The following EIF4G3 variants were observed in gnomAD, a reference collection of about 807,000 sequenced individuals.
EIF4G3 encodes eIF-4-gamma 3.
EIF4G3 carries 34 observed loss-of-function variants against 186.4 expected under a neutral mutation model. The ratio of observed to expected loss-of-function variants is 0.18; its 90% CI spans 0.14 to 0.24. The LOEUF (loss-of-function observed/expected upper bound fraction) is 0.24, where lower values mean the gene tolerates loss of function less well. EIF4G3 is among the 10% of genes least tolerant of loss of function. The probability of loss-of-function intolerance (pLI) is 1.00; values close to 1 mark genes in which losing one functional copy is unlikely to be tolerated. For synonymous variants in EIF4G3, 673 were observed against 679.5 expected (o/e 0.99, Z 0.15); for missense variants, 1,536 against 1,948.5 (o/e 0.79, Z 3.99).
intron 14 of EIF4G3, among the ~76,000 whole-genome samples, chr1:20,917,627 T>C (rs2094028923): frequency 6.6e-6 from 1 of 152,190 alleles, no homozygotes; most frequent in Admixed American, 6.5e-5. Context: ...ATGAGGGTAG[T>C]AGTGCAGGAG....
chr1:21,037,144 G>C (rs917015603), intron 4 of EIF4G3, among the ~76,000 whole-genome samples: 1 of 151,912 alleles, frequency 6.6e-6, no homozygotes, highest in Non-Finnish European at 1.5e-5. Flanking sequence ...GTCTCTAAGG[G>C]TGGCTTAGAG....
rs113776720 is a variant in EIF4G3 at position 20,854,478 on chromosome 1, C to T, written c.3433+500G>A. On this transcript the variant is annotated intron_variant, in intron 26 of 36. Coordinates refer to ENST00000602326, the MANE Select transcript of EIF4G3 (RefSeq NM_001391906.1). The stretch of plus-strand genomic sequence containing the variant: ...GGAGGCCAAGGTGGGAGGATCACTG[C>T]AGCCCACGAGTGCAAGACTAGCCTA... Among the ~76,000 whole-genome samples the T allele has an allele frequency of 6.1e-3, 919 of 150,604 alleles. 7 individuals are homozygous for T. Among genetic ancestry groups the T allele is most frequent in the African/African-American group, 0.022 (884 of 40,936 alleles).
chr1:20,876,148 A>T (rs1459311017), intron 20 of EIF4G3, among the ~76,000 whole-genome samples: 1 of 146,098 alleles, frequency 6.8e-6, no homozygotes, highest in Non-Finnish European at 1.5e-5. Context: ...GCTTGGACCC[A>T]GGAGTTTGAA....
At chr1:20,982,052 C>T (rs945346727) in intron 8 of EIF4G3, among the ~76,000 whole-genome samples, 7 of 152,054 alleles carry the variant, frequency 4.6e-5, no homozygotes, top group African/African-American at 1.7e-4. Context: ...TAAATTAAAC[C>T]ATCTGTAGGG....
chr1:20,904,922 C>T lies in EIF4G3; in HGVS notation c.1713G>A (p.Arg571=). 2 of 1,613,884 alleles carry T rather than the reference C, an allele frequency of 1.2e-6. No homozygotes were observed. Among genetic ancestry groups the T allele is most frequent in the East Asian group, 2.2e-5 (1 of 44,858 alleles). ...CTAACATCTCTTCAGTGGTTCGGGTCCGATCTTTTGGTTTCTTCCATGTCT... is the reference window on the plus strand; with the variant it reads ...CTAACATCTCTTCAGTGGTTCGGGTTCGATCTTTTGGTTTCTTCCATGTCT... ...VPKTWKKPKD[R]TRTTEEMLEA... Residue 571 remains arginine (R), a synonymous_variant, in exon 15 of 37, where the codon CGG becomes CGA. Coordinates refer to ENST00000602326, the MANE Select transcript of EIF4G3 (RefSeq NM_001391906.1).
chr1:20,960,022 C>T (rs1299617279), intron 12 of EIF4G3, among the ~76,000 whole-genome samples: 1 of 151,776 alleles, frequency 6.6e-6, no homozygotes, highest in Non-Finnish European at 1.5e-5. Context: ...CCATTTGATC[C>T]AGCAACCCCA....
intron 4 of EIF4G3, among the ~76,000 whole-genome samples, chr1:21,015,750 AG>A (rs1557521357): frequency 9.3e-5 from 8 of 85,600 alleles, no homozygotes; most frequent in South Asian, 6.1e-4. Flanking sequence ...ACATGCTGAA[AG>A]GAAAGAAAAA....
chr1:21,127,279 C>T (rs2097064065), intron 2 of EIF4G3, among the ~76,000 whole-genome samples: 1 of 152,128 alleles, frequency 6.6e-6, no homozygotes, highest in Non-Finnish European at 1.5e-5. Context: ...GCCTGGCCTC[C>T]TTTAAATTTT....
chr1:21,156,210 A>C (rs113842812), intron 2 of EIF4G3, among the ~76,000 whole-genome samples: 161 of 152,172 alleles, frequency 1.1e-3, no homozygotes, highest in African/African-American at 3.8e-3. Flanking sequence ...ACTTCCTCCA[A>C]TTACATAAAC....
At chr1:20,856,631 A>G (rs2074985566) in intron 25 of EIF4G3, among the ~76,000 whole-genome samples, 1 of 152,206 alleles carries the variant, frequency 6.6e-6, no homozygotes, top group Admixed American at 6.5e-5. Flanking sequence ...TTAAATCCTT[A>G]TTACAGAATG....
intron 14 of EIF4G3, among the ~76,000 whole-genome samples, chr1:20,907,212 G>A (rs950486095): frequency 6.6e-6 from 1 of 152,060 alleles, no homozygotes; most frequent in Non-Finnish European, 1.5e-5. Flanking sequence ...TCCTTGTCTT[G>A]TATTAAAGCA....
chr1:20,852,620 G>A (rs1290977274), intron 27 of EIF4G3, among the ~76,000 whole-genome samples: 1 of 152,154 alleles, frequency 6.6e-6, no homozygotes, highest in Non-Finnish European at 1.5e-5. Context: ...TTGGCCCGTG[G>A]CAGACCAGAA....
At chr1:20,900,075 G>T in intron 15 of EIF4G3, 132 bp from the exon 16 acceptor site, 1 of 952,486 alleles carries the variant, frequency 1.0e-6, no homozygotes, top group South Asian at 1.7e-5. Context: ...TGTTCAGCAT[G>T]TGGTATTAGA....
intron 30 of EIF4G3, among the ~76,000 whole-genome samples, chr1:20,831,345 G>A (rs1012591039): frequency 1.3e-5 from 2 of 150,200 alleles, no homozygotes; most frequent in African/African-American, 4.9e-5. Context: ...GTGGGATGGA[G>A]GTAGAGGAAA....
At chr1:21,124,206 T>C (rs553635277) in intron 2 of EIF4G3, among the ~76,000 whole-genome samples, 2 of 151,764 alleles carry the variant, frequency 1.3e-5, no homozygotes, top group Admixed American at 1.3e-4. Context: ...CAGAAGTGCT[T>C]GAACCCAGGA....
intron 13 of EIF4G3, among the ~76,000 whole-genome samples, chr1:20,946,671 G>A (rs2095965328): frequency 1.3e-5 from 2 of 152,272 alleles, no homozygotes; most frequent in South Asian, 4.1e-4. Flanking sequence ...AACCACGATT[G>A]TTGGGGTAGA....
intron 4 of EIF4G3, among the ~76,000 whole-genome samples, chr1:21,019,728 C>T (rs2090190156): frequency 6.6e-6 from 1 of 151,890 alleles, no homozygotes; most frequent in South Asian, 2.1e-4. Context: ...ACTAAAAATA[C>T]AAAAAATTAG....
intron 4 of EIF4G3, among the ~76,000 whole-genome samples, chr1:21,026,340 T>C (rs966004733): frequency 6.6e-6 from 1 of 152,042 alleles, no homozygotes; most frequent in Non-Finnish European, 1.5e-5. Context: ...TAGATATACA[T>C]ATGCAAAAGA....
At chr1:20,868,079 A>T (rs551789362) in intron 20 of EIF4G3, among the ~76,000 whole-genome samples, 1 of 39,330 alleles carries the variant, frequency 2.5e-5, no homozygotes, top group South Asian at 1.3e-3. Context: ...ATAGTGATTC[A>T]TGGTGATTTT....
Sources: gnomAD v4.1 joint callset for allele counts (sites outside exome capture counted in the v4.1 genomes callset) on GRCh38, gnomAD v4.1.1 for gene constraint, MANE v1.5 for transcripts, NCBI Gene and HGNC (gene_info 2026-07-23, HGNC 2026-07-21) for gene names.